CTNNBL1: variants seen among roughly 807,000 people sequenced by gnomAD.
CTNNBL1 encodes beta-catenin-like protein 1.
A neutral mutation model predicts 72.7 loss-of-function variants in CTNNBL1; 31 were observed. The observed-to-expected ratio is 0.43, with a 90% CI of 0.32 to 0.58. The LOEUF (loss-of-function observed/expected upper bound fraction) is 0.58. CTNNBL1 is among the 20% of genes least tolerant of loss of function. The pLI is 0.08. For missense variants in CTNNBL1, 534 were observed against 725.1 expected (o/e 0.74, Z 3.03); for synonymous variants, 240 against 267.3 (o/e 0.90, Z 1.00).
chr20:37,756,662 G>A (rs1169644867), intron 4 of CTNNBL1, among the ~76,000 whole-genome samples: 2 of 133,324 alleles, frequency 1.5e-5, no homozygotes, highest in African/African-American at 5.9e-5. Flanking sequence ...CTTTGAGACA[G>A]GGTCTCACTC....
intron 15 of CTNNBL1, among the ~76,000 whole-genome samples, chr20:37,865,379 C>T (rs779785940): frequency 2.6e-5 from 4 of 152,180 alleles, no homozygotes; most frequent in African/African-American, 4.8e-5. Context: ...GGAAGCTGTA[C>T]GGAAGGCATG....
intron 11 of CTNNBL1, among the ~76,000 whole-genome samples, chr20:37,819,781 GGA>G (rs2072089372): frequency 6.6e-6 from 1 of 151,934 alleles, no homozygotes; most frequent in African/African-American, 2.4e-5. Context: ...CTTCAGAAAT[GGA>G]GAGTCAAGAA....
At chr20:37,797,083 C>T (rs73109368) in intron 10 of CTNNBL1, among the ~76,000 whole-genome samples, 712 of 152,100 alleles carry the variant, frequency 4.7e-3, no homozygotes, top group Non-Finnish European at 7.3e-3. Flanking sequence ...CTTGAAATTG[C>T]CTGTGGTCGT....
chr20:37,766,800 G>A (rs1256825585), intron 6 of CTNNBL1, among the ~76,000 whole-genome samples: 1 of 152,178 alleles, frequency 6.6e-6, no homozygotes, highest in Non-Finnish European at 1.5e-5. Context: ...GGAAGACCTT[G>A]TAAACCATGG....
At chr20:37,818,121 A>C (rs1423122425) in intron 11 of CTNNBL1, among the ~76,000 whole-genome samples, 1 of 152,196 alleles carries the variant, frequency 6.6e-6, no homozygotes, top group African/African-American at 2.4e-5. Context: ...GGCTCAAAGG[A>C]AACCTCAACT....
chr20:37,849,407 C>G (rs1305430162), intron 13 of CTNNBL1, among the ~76,000 whole-genome samples: 1 of 152,200 alleles, frequency 6.6e-6, no homozygotes, highest in South Asian at 2.1e-4. Flanking sequence ...AGATACATCC[C>G]TCACCCTCGT....
chr20:37,857,488 T>A (rs2072453131), intron 13 of CTNNBL1, among the ~76,000 whole-genome samples: 1 of 152,210 alleles, frequency 6.6e-6, no homozygotes, highest in Non-Finnish European at 1.5e-5. Flanking sequence ...TGTCCTCATA[T>A]CCAGTCCTCC....
intron 13 of CTNNBL1, among the ~76,000 whole-genome samples, chr20:37,849,650 T>C (rs1408541633): frequency 6.6e-6 from 1 of 152,250 alleles, no homozygotes; most frequent in Non-Finnish European, 1.5e-5. Context: ...AGCATTCTGC[T>C]TAGCGTTTCC....
At chr20:37,755,349 T>A (rs2073355083) in intron 4 of CTNNBL1, among the ~76,000 whole-genome samples, 1 of 152,218 alleles carries the variant, frequency 6.6e-6, no homozygotes, top group African/African-American at 2.4e-5. Context: ...TTTTTGCTGT[T>A]TTTTATTATA....
chr20:37,763,242 A>T (rs991912134), intron 5 of CTNNBL1, among the ~76,000 whole-genome samples: 2 of 152,152 alleles, frequency 1.3e-5, no homozygotes, highest in African/African-American at 4.8e-5. Context: ...TCTCTCACGT[A>T]CTCAAAATGT....
intron 4 of CTNNBL1, among the ~76,000 whole-genome samples, chr20:37,749,541 GT>G (rs960129249): frequency 8.1e-5 from 12 of 148,564 alleles, no homozygotes; most frequent in Admixed American, 4.0e-4. Flanking sequence ...GAGCTAAACT[GT>G]TTTTTTTTTC....
At chr20:37,731,572 C>T (rs184331113) in intron 1 of CTNNBL1, among the ~76,000 whole-genome samples, 17 of 152,294 alleles carry the variant, frequency 1.1e-4, no homozygotes, top group African/African-American at 2.6e-4. Context: ...CATTTCCCTC[C>T]GTCTCCCTTC....
At chr20:37,858,719 G>A (rs756018246) in intron 13 of CTNNBL1, among the ~76,000 whole-genome samples, 1 of 152,178 alleles carries the variant, frequency 6.6e-6, no homozygotes, top group Admixed American at 6.5e-5. Context: ...GTAAAGCTGG[G>A]TTTTTTGTTT....
intron 5 of CTNNBL1, among the ~76,000 whole-genome samples, chr20:37,758,623 G>A (rs541390529): frequency 9.2e-5 from 14 of 152,348 alleles, no homozygotes; most frequent in African/African-American, 3.1e-4. Flanking sequence ...AGTGCATCTA[G>A]TCCAGCCCCT....
At chr20:37,823,778 G>C (rs527743307) in intron 11 of CTNNBL1, among the ~76,000 whole-genome samples, 2 of 152,292 alleles carry the variant, frequency 1.3e-5, no homozygotes, top group African/African-American at 4.8e-5. Context: ...TGCTTGGACA[G>C]TGGGGAAATG....
intron 4 of CTNNBL1, 58 bp from the exon 5 acceptor site, chr20:37,757,501 A>T: frequency 8.1e-7 from 1 of 1,235,886 alleles, no homozygotes; most frequent in East Asian, 2.4e-5. Context: ...GGAATCAAGG[A>T]TTAAGAAAAA....
At chr20:37,700,304 A>G (rs2072829122) in intron 1 of CTNNBL1, among the ~76,000 whole-genome samples, 1 of 152,146 alleles carries the variant, frequency 6.6e-6, no homozygotes, top group African/African-American at 2.4e-5. Context: ...TAAAATTCAG[A>G]GACTAAGCCA....
At chr20:37,734,956 G>A (rs193094827) in intron 2 of CTNNBL1, among the ~76,000 whole-genome samples, 218 of 152,328 alleles carry the variant, frequency 1.4e-3, no homozygotes, top group Non-Finnish European at 2.5e-3. Flanking sequence ...CCAGAGTGGG[G>A]CAAGATGTTA....
rs2072288306 is a variant in CTNNBL1, at chr20:37,839,968, T to C, written c.1214-134T>C. 9.8e-6 allele frequency: 6 copies of C among 614,930 alleles called. No homozygotes were observed. In the South Asian group the frequency reaches 1.2e-4, roughly 13 times the overall value. The allele number at this position is 614,930 out of a possible 1,614,324, so 38.1% of individuals were successfully genotyped here. A position where few individuals can be genotyped will look rare whatever the true frequency, so the allele number is the denominator to read the frequency against. ...TTTTTTAGTGACACAATTTAGGTTC[T>C]TGTCTTATTAATCAATAGCAGCAGT... is the stretch of plus-strand genomic sequence containing the variant. On this transcript the variant is annotated intron_variant, in intron 11 of 15. Coordinates refer to ENST00000361383, the MANE Select transcript of CTNNBL1 (RefSeq NM_030877.5).
Sources: allele counts gnomAD v4.1 joint callset (sites outside exome capture counted in the v4.1 genomes callset), GRCh38; gene constraint gnomAD v4.1.1; transcripts MANE v1.5; gene names NCBI Gene and HGNC (gene_info 2026-07-23, HGNC 2026-07-21).